The following DIAPH1 variants were observed in gnomAD, a reference collection of about 807,000 sequenced individuals.
DIAPH1 encodes diaphanous related formin 1.
Under a neutral mutation model 140.7 loss-of-function variants are expected in DIAPH1, and 46 were observed. The ratio of observed to expected loss-of-function variants is 0.33; its 90% CI spans 0.26 to 0.42. The LOEUF (loss-of-function observed/expected upper bound fraction) is 0.42. Ranked by LOEUF, DIAPH1 falls within the 10% of genes least tolerant of loss-of-function variation. DIAPH1 has a pLI of 1.00. For missense variants in DIAPH1, 1,310 were observed against 1,558.7 expected (o/e 0.84, Z 2.69); for synonymous variants, 565 against 551.6 (o/e 1.02, Z -0.34).
At position 141,572,045 on chromosome 5, in the gene DIAPH1, G is replaced by A; in HGVS notation, c.2359-5C>T. ...GGAGAGGTCCTCAGCCACAAGCTGT[G>A]GATAAAGGCAGGGTGTTAAGAATTA... On this transcript the variant is annotated splice_polypyrimidine_tract_variant and splice_region_variant and intron_variant, in intron 16 of 27. Coordinates refer to ENST00000389054, the MANE Select transcript of DIAPH1 (RefSeq NM_005219.5). 6.3e-7 allele frequency: 1 copy of A among 1,599,376 alleles called. No individual in the cohort carries two copies. The highest frequency in any genetic ancestry group is 8.6e-7 in the Non-Finnish European group (1 of 1,166,500).
chr5:141,536,785 A>C (rs2099889085), intron 18 of DIAPH1, among the ~76,000 whole-genome samples: 1 of 152,214 alleles, frequency 6.6e-6, no homozygotes, highest in Non-Finnish European at 1.5e-5. Flanking sequence ...GTGTTGTTGA[A>C]GGAGGAGCAA....
At chr5:141,605,189 T>C (rs919711064) in intron 1 of DIAPH1, among the ~76,000 whole-genome samples, 13 of 152,160 alleles carry the variant, frequency 8.5e-5, no homozygotes, top group Non-Finnish European at 1.8e-4. Flanking sequence ...ACTTTTAGAA[T>C]ACACATACAT....
chr5:141,517,015 G>C lies in DIAPH1; in HGVS notation c.3662-7C>G, dbSNP rs778069558. Reference sequence around the variant, plus strand: ...CACCCGGCCTTCCTGTTGGCTGCAAGAGAAGACGAGAGATTCTGTCTATGG... The same window carrying C: ...CACCCGGCCTTCCTGTTGGCTGCAACAGAAGACGAGAGATTCTGTCTATGG... On this transcript the variant is annotated splice_region_variant and splice_polypyrimidine_tract_variant and intron_variant, in intron 27 of 27. Transcript: ENST00000389054. The C allele has an allele frequency of 2.5e-6, 4 of 1,614,134 alleles. No homozygotes were observed. The highest frequency in any genetic ancestry group is 3.4e-6 in the Non-Finnish European group (4 of 1,180,020).
chr5:141,524,479 C>T (rs1381934786), intron 26 of DIAPH1: 1 of 531,208 alleles, frequency 1.9e-6, no homozygotes, highest in East Asian at 3.5e-5. Flanking sequence ...TATTTTCCCG[C>T]AATGCCATCC....
intron 18 of DIAPH1, among the ~76,000 whole-genome samples, chr5:141,542,842 A>T (rs1431481999): frequency 6.6e-6 from 1 of 152,200 alleles, no homozygotes; most frequent in East Asian, 1.9e-4. Context: ...GGTTAATTTT[A>T]TGTTGTGTGA....
chr5:141,613,791 A>C (rs2099902218), intron 1 of DIAPH1, among the ~76,000 whole-genome samples: 1 of 152,242 alleles, frequency 6.6e-6, no homozygotes, highest in Non-Finnish European at 1.5e-5. Context: ...AAAAGGAGAA[A>C]TACAGTAAAA....
chr5:141,595,041 C>CAA (rs1201705026), intron 1 of DIAPH1, among the ~76,000 whole-genome samples: 7 of 79,106 alleles, frequency 8.8e-5, no homozygotes, highest in African/African-American at 2.0e-4. Context: ...AACTCCATCT[C>CAA]AAAAAAAAAA....
At chr5:141,554,395 C>A (rs1024438773) in intron 18 of DIAPH1, among the ~76,000 whole-genome samples, 8 of 152,098 alleles carry the variant, frequency 5.3e-5, no homozygotes, top group East Asian at 3.8e-4. Context: ...TAAGAAAAAA[C>A]CAGTCCTATA....
chr5:141,526,526 G>A (rs1183768706), intron 24 of DIAPH1, 65 bp from the exon 25 acceptor site: 62 of 1,598,218 alleles, frequency 3.9e-5, no homozygotes, highest in Non-Finnish European at 4.6e-5. Flanking sequence ...CTAGCCCAAG[G>A]AATTACTCAA....
At chr5:141,529,556 C>T in intron 20 of DIAPH1, 47 bp downstream of exon 20, 1 of 1,452,820 alleles carries the variant, frequency 6.9e-7, no homozygotes, top group Non-Finnish European at 9.7e-7. Context: ...GGCCAGTGCC[C>T]AGCGACACAG....
Position 141,610,046 on chromosome 5 carries a change from A to C in DIAPH1, c.117+8752T>G, listed in dbSNP as rs143796471. ...AGCACAGTGGCTCACACTTGTAATC[A>C]CAGGGCTTTGGGAGGCCAAGGCAGG... On this transcript the variant is annotated intron_variant, in intron 1 of 27. Coordinates refer to ENST00000389054, the MANE Select transcript of DIAPH1 (RefSeq NM_005219.5). 3.8e-3 allele frequency among the ~76,000 whole-genome samples: 583 copies of C among 152,342 alleles called. 5 individuals are homozygous for C. Among genetic ancestry groups the C allele is most frequent in the Admixed American group, 0.011 (168 of 15,302 alleles).
chr5:141,604,782 T>A (rs1284831750), intron 1 of DIAPH1, among the ~76,000 whole-genome samples: 1 of 152,150 alleles, frequency 6.6e-6, no homozygotes, highest in Admixed American at 6.5e-5. Context: ...ATCCAAAAAT[T>A]ATACTACTAC....
intron 18 of DIAPH1, among the ~76,000 whole-genome samples, chr5:141,553,518 A>G (rs554506145): frequency 6.7e-6 from 1 of 150,158 alleles, no homozygotes; most frequent in Non-Finnish European, 1.5e-5. Flanking sequence ...GTGGGCGCCT[A>G]TGTAATTCCA....
intron 7 of DIAPH1, 54 bp from the exon 8 acceptor site, chr5:141,580,937 G>C (rs1484939164): frequency 6.8e-6 from 11 of 1,612,550 alleles, no homozygotes; most frequent in Non-Finnish European, 9.3e-6. Context: ...CATCTAACTG[G>C]GGGACAAGTT....
intron 1 of DIAPH1, among the ~76,000 whole-genome samples, chr5:141,602,094 T>C (rs573643016): frequency 1.1e-3 from 172 of 152,224 alleles, no homozygotes; most frequent in Non-Finnish European, 2.0e-3. Flanking sequence ...GAGATAAGGG[T>C]CCAGCTCTGA....
chr5:141,584,035 T>C, intron 4 of DIAPH1, 89 bp downstream of exon 4: 1 of 771,774 alleles, frequency 1.3e-6, no homozygotes, highest in East Asian at 2.5e-5. Context: ...GATGCAGACA[T>C]AAAATGTTAC....
At chr5:141,520,537 T>C (rs775290586) in intron 27 of DIAPH1, among the ~76,000 whole-genome samples, 3 of 152,172 alleles carry the variant, frequency 2.0e-5, no homozygotes, top group African/African-American at 7.2e-5. Flanking sequence ...CCCCCCTTGA[T>C]TGGAAGCTTC....
chr5:141,551,459 C>G (rs1031810127), intron 18 of DIAPH1, among the ~76,000 whole-genome samples: 2 of 151,904 alleles, frequency 1.3e-5, no homozygotes, highest in Admixed American at 6.6e-5. Context: ...AAAAAGGCAT[C>G]GTGTCTAACT....
chr5:141,603,575 G>A (rs543849294), intron 1 of DIAPH1, among the ~76,000 whole-genome samples: 1 of 152,136 alleles, frequency 6.6e-6, no homozygotes, highest in Admixed American at 6.5e-5. Flanking sequence ...AGTTAGAAAT[G>A]CCGTATAAAG....
Sources: allele counts gnomAD v4.1 joint callset (sites outside exome capture counted in the v4.1 genomes callset), GRCh38; gene constraint gnomAD v4.1.1; transcripts MANE v1.5; gene names NCBI Gene and HGNC (gene_info 2026-07-23, HGNC 2026-07-21).